ZNF609: variants seen among roughly 807,000 people sequenced by gnomAD.
The protein encoded by ZNF609 is zinc finger protein 609.
A neutral mutation model predicts 109.5 loss-of-function variants in ZNF609; 11 were observed. The observed-to-expected ratio is 0.10, with a 90% CI of 0.06 to 0.17. The LOEUF is 0.17. Ranked by LOEUF, ZNF609 falls within the 10% of genes least tolerant of loss-of-function variation. The pLI is 1.00. For missense variants in ZNF609, 1,559 were observed against 1,772.4 expected, an observed-to-expected ratio of 0.88 and a Z score of 2.16; for synonymous variants, 646 against 662.0, an observed-to-expected ratio of 0.98 and a Z score of 0.37.
chr15:64,630,490 TCA>T (rs965891402), intron 3 of ZNF609, among the ~76,000 whole-genome samples: 2 of 152,194 alleles, frequency 1.3e-5, no homozygotes, highest in African/African-American at 4.8e-5. Context: ...ATTTAACTTT[TCA>T]CAGTTTACTT....
At chr15:64,614,127 G>T (rs1895760814) in intron 2 of ZNF609, among the ~76,000 whole-genome samples, 1 of 151,550 alleles carries the variant, frequency 6.6e-6, no homozygotes, top group Non-Finnish European at 1.5e-5. Context: ...CACCATGTTG[G>T]CCGGGCTACT....
At chr15:64,472,821 TG>T (rs1893110032) in intron 1 of ZNF609, among the ~76,000 whole-genome samples, 5 of 152,214 alleles carry the variant, frequency 3.3e-5, no homozygotes, top group Non-Finnish European at 7.4e-5. Flanking sequence ...TACTCCAGCC[TG>T]GGCAGCAGTG....
chr15:64,628,902 G>A (rs939374165), intron 3 of ZNF609, among the ~76,000 whole-genome samples: 1 of 152,148 alleles, frequency 6.6e-6, no homozygotes, highest in African/African-American at 2.4e-5. Context: ...TGGGATTACA[G>A]GCGTGAGCCA....
chr15:64,542,098 A>T (rs1200572140), intron 2 of ZNF609, among the ~76,000 whole-genome samples: 1 of 152,058 alleles, frequency 6.6e-6, no homozygotes, highest in Non-Finnish European at 1.5e-5. Context: ...AGTCTGGGCA[A>T]CATAGGGAGA....
At chr15:64,654,150 C>G (rs1380861054) in intron 3 of ZNF609, 1 of 152,330 alleles carries the variant, frequency 6.6e-6, no homozygotes, top group African/African-American at 2.4e-5. Context: ...AGCGATTCTC[C>G]TGCTTCAGCC....
In ZNF609 at chr15:64,509,395, A is replaced by G. The variant is rs575522356; in HGVS notation, c.747+9229A>G. Reference sequence around the variant, plus strand: ...AGCATTCAGCACAGTGCCTAGCATTATAGTAAGTAACCAATAAATGTTAGC... The same window carrying G: ...AGCATTCAGCACAGTGCCTAGCATTGTAGTAAGTAACCAATAAATGTTAGC... On this transcript the variant is annotated intron_variant, in intron 2 of 9. Coordinates refer to ENST00000326648, the MANE Select transcript of ZNF609 (RefSeq NM_015042.2). 2.6e-5 allele frequency among the ~76,000 whole-genome samples: 4 copies of G among 152,380 alleles called. No homozygotes were observed. In the South Asian group the frequency reaches 6.2e-4, roughly 24 times the overall value.
At chr15:64,537,817 C>T (rs991678121) in intron 2 of ZNF609, among the ~76,000 whole-genome samples, 1 of 152,072 alleles carries the variant, frequency 6.6e-6, no homozygotes, top group African/African-American at 2.4e-5. Context: ...TATCCTAGGG[C>T]TGGGCGCGGT....
intron 2 of ZNF609, among the ~76,000 whole-genome samples, chr15:64,590,387 T>C (rs1405001044): frequency 6.6e-6 from 1 of 152,146 alleles, no homozygotes; most frequent in Non-Finnish European, 1.5e-5. Flanking sequence ...AGTGGCATGA[T>C]ATCAGCTCAC....
chr15:64,468,877 A>G (rs1893050789), intron 1 of ZNF609, among the ~76,000 whole-genome samples: 1 of 151,996 alleles, frequency 6.6e-6, no homozygotes, highest in South Asian at 2.1e-4. Flanking sequence ...ATTAGACAGG[A>G]TGATCACTGC....
At position 64,506,001 on chromosome 15, in the gene ZNF609, A is replaced by T. The variant is rs78201465; in HGVS notation, c.747+5835A>T. 6.5e-3 allele frequency among the ~76,000 whole-genome samples: 982 copies of T among 152,214 alleles called. 10 individuals carry two copies. Among genetic ancestry groups the T allele is most frequent in the African/African-American group, 0.022 (920 of 41,548 alleles). The stretch of plus-strand genomic sequence containing the variant: ...AAAAAATAATAATAATAAATTTTTT[A>T]AAAAGTGTGAACTCTGGAGCCAGAC... On this transcript the variant is annotated intron_variant, in intron 2 of 9. Transcript: ENST00000326648.
intron 2 of ZNF609, chr15:64,592,961 C>G: frequency 1.0e-6 from 1 of 996,056 alleles, no homozygotes; most frequent in Non-Finnish European, 1.6e-6. Flanking sequence ...TTTGCTCTCT[C>G]CGGTCCGTGC....
chr15:64,525,448 C>T (rs993257177), intron 2 of ZNF609, among the ~76,000 whole-genome samples: 1 of 152,110 alleles, frequency 6.6e-6, no homozygotes, highest in African/African-American at 2.4e-5. Context: ...CATATCTATC[C>T]TTATGGCAGT....
chr15:64,487,455 TG>T (rs1893348220), intron 1 of ZNF609, among the ~76,000 whole-genome samples: 1 of 152,212 alleles, frequency 6.6e-6, no homozygotes, highest in African/African-American at 2.4e-5. Context: ...TTTTTCCATG[TG>T]TATACAGATA....
intron 2 of ZNF609, among the ~76,000 whole-genome samples, chr15:64,595,997 T>C (rs1895390835): frequency 6.6e-6 from 1 of 152,174 alleles, no homozygotes; most frequent in South Asian, 2.1e-4. Flanking sequence ...AATAAATTAT[T>C]TGTGAAATCA....
intron 1 of ZNF609, among the ~76,000 whole-genome samples, chr15:64,488,914 AAAAGAAAG>A (rs3985670): frequency 0.011 from 305 of 27,318 alleles, 4 homozygotes; most frequent in South Asian, 0.013. Context: ...TTCTACAAAA[AAAAGAAAG>A]AAAGAAAGAA....
intron 3 of ZNF609, among the ~76,000 whole-genome samples, chr15:64,628,942 T>C (rs1164956151): frequency 1.3e-5 from 2 of 151,948 alleles, no homozygotes; most frequent in African/African-American, 4.8e-5. Flanking sequence ...ACTATTGTAA[T>C]AACATCCTGT....
chr15:64,468,009 C>G (rs1596373802), intron 1 of ZNF609, among the ~76,000 whole-genome samples: 1 of 143,286 alleles, frequency 7.0e-6, no homozygotes, highest in African/African-American at 2.5e-5. Context: ...TACTAGTATG[C>G]TTTTTTTTTT....
intron 1 of ZNF609, among the ~76,000 whole-genome samples, chr15:64,485,729 G>C (rs1893323140): frequency 6.6e-6 from 1 of 152,124 alleles, no homozygotes; most frequent in African/African-American, 2.4e-5. Context: ...GAGCCCAGGA[G>C]GTGGAAACCG....
chr15:64,654,776 T>C (rs1425949916), intron 3 of ZNF609, among the ~76,000 whole-genome samples: 1 of 152,200 alleles, frequency 6.6e-6, no homozygotes, highest in East Asian at 1.9e-4. Flanking sequence ...AGATACAATA[T>C]AGCAATATGG....
Sources: gnomAD v4.1 joint callset for allele counts (sites outside exome capture counted in the v4.1 genomes callset) on GRCh38, gnomAD v4.1.1 for gene constraint, MANE v1.5 for transcripts, NCBI Gene and HGNC (gene_info 2026-07-23, HGNC 2026-07-21) for gene names.